The following SHISA9 variants were observed in gnomAD, a reference collection of about 807,000 sequenced individuals.
SHISA9 encodes the protein protein shisa-9.
SHISA9 carries 13 observed loss-of-function variants against 38.0 expected under a neutral mutation model. That is an observed-to-expected ratio of 0.34 (90% CI 0.22 to 0.54). The LOEUF (loss-of-function observed/expected upper bound fraction) is 0.54. Ranked by LOEUF, SHISA9 falls within the 20% of genes least tolerant of loss-of-function variation. The pLI is 0.91. For missense variants in SHISA9, 538 were observed against 575.8 expected, an observed-to-expected ratio of 0.93 and a Z score of 0.67; for synonymous variants, 275 against 242.0, an observed-to-expected ratio of 1.14 and a Z score of -1.27.
chr16:13,319,093 C>T, the SHISA9 span, among the ~76,000 whole-genome samples: 1 of 152,296 alleles, frequency 6.6e-6, no homozygotes, highest in African/African-American at 2.4e-5. Context: ...CTGCAACCAC[C>T]GTTTTCCAGG....
At chr16:12,930,581 T>C (rs2071449773) in intron 2 of SHISA9, among the ~76,000 whole-genome samples, 2 of 152,220 alleles carry the variant, frequency 1.3e-5, no homozygotes, top group African/African-American at 2.4e-5. Flanking sequence ...TGACCCTCAA[T>C]TTCACTAGCA....
In SHISA9 at chr16:12,908,783, G is replaced by A. The variant is rs2071140874; in HGVS notation, c.563+6156G>A. ...CGGCAGGCCCAGACGTCTTGGTGGA[G>A]GCGTTGGTGAGAAATGACCTTGGGG... On this transcript the variant is annotated intron_variant, in intron 1 of 4. Transcript: ENST00000558583. 3 of 1,380,806 alleles carry A rather than the reference G, an allele frequency of 2.2e-6. No homozygotes were observed. The Admixed American group carries it at 9.2e-5, about 42-fold the overall frequency. The allele number at this position is 1,380,806 out of a possible 1,614,324, so 85.5% of individuals were successfully genotyped here. A position where few individuals can be genotyped will look rare whatever the true frequency, so the allele number is the denominator to read the frequency against.
chr16:13,246,070 A>G, the SHISA9 span, among the ~76,000 whole-genome samples: 1 of 152,208 alleles, frequency 6.6e-6, no homozygotes, highest in South Asian at 2.1e-4. Context: ...AAAAAAATCC[A>G]TCCTGTTAGG....
the SHISA9 span, among the ~76,000 whole-genome samples, chr16:13,389,107 C>G: frequency 2.6e-5 from 4 of 152,224 alleles, no homozygotes; most frequent in South Asian, 8.3e-4. Flanking sequence ...CCAGGGTTCA[C>G]TTTTGGTGTT....
chr16:13,012,162 A>G (rs186811773), intron 2 of SHISA9, among the ~76,000 whole-genome samples: 2 of 152,206 alleles, frequency 1.3e-5, no homozygotes, highest in East Asian at 3.9e-4. Context: ...TCCACATATA[A>G]GTGAGATCAC....
At chr16:13,006,903 G>C (rs1342731953) in intron 2 of SHISA9, among the ~76,000 whole-genome samples, 1 of 152,026 alleles carries the variant, frequency 6.6e-6, no homozygotes, top group Non-Finnish European at 1.5e-5. Flanking sequence ...TGACCATTCA[G>C]CTCAGGCTAC....
intron 4 of SHISA9, among the ~76,000 whole-genome samples, chr16:13,232,759 G>A (rs2051344239): frequency 6.6e-6 from 1 of 152,230 alleles, no homozygotes; most frequent in South Asian, 2.1e-4. Flanking sequence ...AATTGGTTGA[G>A]TCTAAAGACC....
the SHISA9 span, among the ~76,000 whole-genome samples, chr16:13,510,055 C>T: frequency 4.4e-3 from 667 of 152,226 alleles, 5 homozygotes; most frequent in African/African-American, 0.015. Context: ...CCTGTAGTCC[C>T]AGCACTTTGG....
chr16:13,422,981 A>G, the SHISA9 span, among the ~76,000 whole-genome samples: 1 of 152,256 alleles, frequency 6.6e-6, no homozygotes, highest in Non-Finnish European at 1.5e-5. Context: ...TCAAAGTTAC[A>G]GAACTTGGAT....
chr16:13,216,520 CTT>C (rs1221795841), intron 4 of SHISA9, among the ~76,000 whole-genome samples: 1 of 152,166 alleles, frequency 6.6e-6, no homozygotes, highest in East Asian at 1.9e-4. Flanking sequence ...CTGGTGAACT[CTT>C]TTTAACCCAC....
the SHISA9 span, among the ~76,000 whole-genome samples, chr16:13,316,380 C>T: frequency 1.1e-4 from 17 of 152,114 alleles, no homozygotes; most frequent in Non-Finnish European, 2.2e-4. Context: ...CCCCAGGAAG[C>T]GAGAACAGAA....
At chr16:13,511,043 C>T in the SHISA9 span, among the ~76,000 whole-genome samples, 8 of 152,260 alleles carry the variant, frequency 5.3e-5, no homozygotes, top group East Asian at 1.4e-3. Flanking sequence ...TCAGTTTGGA[C>T]GTTCATCACT....
chr16:13,166,495 C>T (rs557295433), intron 2 of SHISA9, among the ~76,000 whole-genome samples: 22 of 152,298 alleles, frequency 1.4e-4, no homozygotes, highest in African/African-American at 5.3e-4. Context: ...TAATAAAACC[C>T]ATCTCTCTAT....
the SHISA9 span, among the ~76,000 whole-genome samples, chr16:13,443,615 T>C: frequency 6.6e-6 from 1 of 152,142 alleles, no homozygotes; most frequent in South Asian, 2.1e-4. Context: ...TGTAATCAAT[T>C]CTGCATGTTC....
chr16:13,286,199 C>T, the SHISA9 span, among the ~76,000 whole-genome samples: 1 of 152,094 alleles, frequency 6.6e-6, no homozygotes, highest in Non-Finnish European at 1.5e-5. Context: ...TGTGTCATAT[C>T]TCCCTAAAAT....
At chr16:13,526,173 C>T in the SHISA9 span, among the ~76,000 whole-genome samples, 1 of 152,196 alleles carries the variant, frequency 6.6e-6, no homozygotes, top group Non-Finnish European at 1.5e-5. Context: ...ACAAGATCCA[C>T]CTGAGTTTCA....
intron 2 of SHISA9, among the ~76,000 whole-genome samples, chr16:13,015,681 G>A (rs1596585880): frequency 6.6e-6 from 1 of 152,194 alleles, no homozygotes; most frequent in East Asian, 1.9e-4. Flanking sequence ...AGCTGAAGGG[G>A]ACTGTTACCC....
At chr16:13,531,531 C>G in the SHISA9 span, among the ~76,000 whole-genome samples, 1 of 151,494 alleles carries the variant, frequency 6.6e-6, no homozygotes, top group African/African-American at 2.4e-5. Context: ...CAGCCAAGTA[C>G]TAGAGTCCAT....
intron 2 of SHISA9, among the ~76,000 whole-genome samples, chr16:12,999,203 G>A (rs1443881115): frequency 1.3e-5 from 2 of 152,170 alleles, no homozygotes; most frequent in African/African-American, 4.8e-5. Flanking sequence ...CAGCTCTGCA[G>A]CACTACACGT....
Sources: gnomAD v4.1 joint callset for allele counts (sites outside exome capture counted in the v4.1 genomes callset) on GRCh38, gnomAD v4.1.1 for gene constraint, MANE v1.5 for transcripts, NCBI Gene and HGNC (gene_info 2026-07-23, HGNC 2026-07-21) for gene names.